Variants in DAB1 observed in about 807,000 individuals in gnomAD.
DAB1 encodes the protein DAB adaptor protein 1.
Under a neutral mutation model 64.6 loss-of-function variants are expected in DAB1, and 15 were observed. The observed-to-expected ratio is 0.23, with a 90% confidence interval of 0.16 to 0.36. The LOEUF (loss-of-function observed/expected upper bound fraction) is 0.36. Among genes scored for constraint, DAB1 ranks in the 10% least tolerant of loss-of-function variants. The pLI is 1.00. For synonymous variants in DAB1, 235 were observed against 251.9 expected (o/e 0.93, Z 0.64); for missense variants, 596 against 706.7 (o/e 0.84, Z 1.78).
intron 9 of DAB1, among the ~76,000 whole-genome samples, chr1:57,031,579 C>T (rs924108797): frequency 2.6e-5 from 4 of 152,210 alleles, no homozygotes; most frequent in East Asian, 1.9e-4. Flanking sequence ...TTAAGTGACT[C>T]GCCTCTGATC....
intron 3 of DAB1, among the ~76,000 whole-genome samples, chr1:58,409,862 C>T (rs1287228558): frequency 3.6e-4 from 55 of 152,182 alleles, no homozygotes; most frequent in Admixed American, 3.4e-3. Context: ...AACTTTACTT[C>T]CTTCCCAATT....
intron 1 of DAB1, among the ~76,000 whole-genome samples, chr1:57,838,436 A>AAT (rs1652907530): frequency 6.6e-6 from 1 of 152,184 alleles, no homozygotes; most frequent in South Asian, 2.1e-4. Flanking sequence ...TTAGGTAATG[A>AAT]ATATATATTA....
At chr1:57,071,753 A>C (rs551497701) in intron 5 of DAB1, 112 bp from the exon 6 acceptor site, 1 of 1,015,074 alleles carries the variant, frequency 9.9e-7, no homozygotes, top group East Asian at 2.7e-5. Context: ...ATTAATCTGA[A>C]AGCATTCCAT....
chr1:57,535,048 C>A (rs970271193), intron 7 of DAB1, among the ~76,000 whole-genome samples: 5 of 152,182 alleles, frequency 3.3e-5, no homozygotes, highest in African/African-American at 1.2e-4. Flanking sequence ...TTTATATCCT[C>A]AGGCTTCATC....
chr1:57,785,224 C>T (rs958956390), intron 6 of DAB1, among the ~76,000 whole-genome samples: 1 of 152,152 alleles, frequency 6.6e-6, no homozygotes, highest in Non-Finnish European at 1.5e-5. Flanking sequence ...AATTACTGCT[C>T]ATTGACACAC....
At chr1:58,458,834 A>AAAC (rs375507438) in intron 3 of DAB1, among the ~76,000 whole-genome samples, 7,000 of 150,708 alleles carry the variant, frequency 0.046, 215 homozygotes, top group East Asian at 0.11. Flanking sequence ...AACAAACAAA[A>AAAC]AAAAAAAACG....
intron 5 of DAB1, among the ~76,000 whole-genome samples, chr1:58,071,965 T>A (rs565265584): frequency 1.3e-5 from 2 of 151,754 alleles, no homozygotes; most frequent in East Asian, 3.9e-4. Flanking sequence ...AAGCTTACAT[T>A]CTAGTAAGGA....
intron 7 of DAB1, among the ~76,000 whole-genome samples, chr1:57,578,371 G>C (rs1037035795): frequency 1.3e-5 from 2 of 152,202 alleles, no homozygotes; most frequent in Non-Finnish European, 2.9e-5. Context: ...GGAGCACCAA[G>C]TGCTTACCCT....
At chr1:57,343,625 T>C (rs1677836517) in intron 1 of DAB1, among the ~76,000 whole-genome samples, 1 of 152,124 alleles carries the variant, frequency 6.6e-6, no homozygotes, top group Admixed American at 6.5e-5. Context: ...CGGCGAGAAA[T>C]TGAGCACAGC....
At chr1:58,107,469 CAA>C (rs768255896) in intron 5 of DAB1, among the ~76,000 whole-genome samples, 34 of 107,152 alleles carry the variant, frequency 3.2e-4, no homozygotes, top group Middle Eastern at 5.9e-3. Context: ...ACTCCATCTC[CAA>C]AAAAAAAAAA....
chr1:57,791,211 G>T (rs908930155), intron 6 of DAB1, among the ~76,000 whole-genome samples: 8 of 152,138 alleles, frequency 5.3e-5, no homozygotes, highest in African/African-American at 1.9e-4. Flanking sequence ...ACCAAGGAAG[G>T]ATCCACCAGT....
intron 1 of DAB1, among the ~76,000 whole-genome samples, chr1:57,400,868 G>A (rs966529457): frequency 6.6e-6 from 1 of 151,852 alleles, no homozygotes; most frequent in African/African-American, 2.4e-5. Context: ...ATTTTCTAGA[G>A]GACAGCACAA....
At chr1:57,485,118 C>T (rs1402295221) in intron 7 of DAB1, among the ~76,000 whole-genome samples, 1 of 152,212 alleles carries the variant, frequency 6.6e-6, no homozygotes, top group East Asian at 1.9e-4. Flanking sequence ...AGCAGCCCTC[C>T]TGTGTGCTAC....
intron 7 of DAB1, among the ~76,000 whole-genome samples, chr1:57,439,449 A>T (rs12075727): frequency 0.17 from 11,041 of 65,180 alleles, 798 homozygotes; most frequent in East Asian, 0.4. Context: ...TTTTTTTTTG[A>T]GACGGAGTCT....
chr1:57,796,738 T>C (rs1650892919), intron 6 of DAB1, among the ~76,000 whole-genome samples: 1 of 152,048 alleles, frequency 6.6e-6, no homozygotes, highest in Non-Finnish European at 1.5e-5. Flanking sequence ...CCATCAGCCT[T>C]GACTGCTTGG....
intron 7 of DAB1, among the ~76,000 whole-genome samples, chr1:57,617,775 T>C (rs1044345351): frequency 2.6e-5 from 4 of 152,198 alleles, no homozygotes; most frequent in African/African-American, 9.6e-5. Flanking sequence ...TCAAACTCCT[T>C]TTCCCAAGAC....
rs1000117376 is a variant in DAB1 at position 58,441,186 on chromosome 1, G to C, written n.257+64874C>G. Among the ~76,000 whole-genome samples the C allele has an allele frequency of 9.8e-5, 15 of 152,296 alleles. 1 individual carries two copies. The South Asian group carries it at 2.1e-3, about 21-fold the overall frequency. ...GCAGGTGCTGGCCATAGAAAGTGGGGCTGGATCAGAGGCAAGTACTGAAGG... is the reference window on the plus strand; with the variant it reads ...GCAGGTGCTGGCCATAGAAAGTGGGCCTGGATCAGAGGCAAGTACTGAAGG... On this transcript the variant is annotated intron_variant and non_coding_transcript_variant, in intron 3 of 20. Coordinates refer to the DAB1 transcript ENST00000485760.
intron 5 of DAB1, among the ~76,000 whole-genome samples, chr1:57,950,999 C>T (rs1024601683): frequency 6.6e-6 from 1 of 152,144 alleles, no homozygotes; most frequent in Middle Eastern, 3.4e-3. Flanking sequence ...CTCAGCTATG[C>T]CAGGCTAAGG....
chr1:57,695,368 GAAAGAAAGAAAGAAAGAAAGAAAGA>G (rs1646822324), intron 6 of DAB1, among the ~76,000 whole-genome samples: 4 of 48,592 alleles, frequency 8.2e-5, no homozygotes, highest in African/African-American at 4.6e-4. Context: ...AAAGAAGAAA[GAAAGAAAGAAAGAAAGAAAGAAAGA>G]AAGAAAGAAA....
Sources: gnomAD v4.1 joint callset for allele counts (sites outside exome capture counted in the v4.1 genomes callset) on GRCh38, gnomAD v4.1.1 for gene constraint, MANE v1.5 for transcripts, NCBI Gene and HGNC (gene_info 2026-07-23, HGNC 2026-07-21) for gene names.